Variants in NRG1 observed in about 807,000 individuals in gnomAD.
NRG1 encodes neuregulin 1.
Under a neutral mutation model 63.8 loss-of-function variants are expected in NRG1, and 18 were observed. The ratio of observed to expected loss-of-function variants is 0.28; its 90% confidence interval spans 0.19 to 0.42. The LOEUF (loss-of-function observed/expected upper bound fraction) is 0.42. Among genes scored for constraint, NRG1 ranks in the 10% least tolerant of loss-of-function variants. The pLI is 1.00. For missense variants in NRG1, 762 were observed against 814.7 expected (o/e 0.94, Z 0.79); for synonymous variants, 302 against 301.3 (o/e 1.00, Z -0.02).
rs1269343813 is a variant in NRG1, at chr8:32,190,236, G to A, written c.38-405592G>A. 3.3e-5 allele frequency among the ~76,000 whole-genome samples: 5 copies of A among 150,042 alleles called. No individual in the cohort carries two copies. The East Asian group carries it at 9.8e-4, about 29-fold the overall frequency. ...TTTACTCTTTCTTTTTTAAAAAATT[G>A]CTCTCCTCTAGATATTTTTTCTGCC... On this transcript the variant is annotated intron_variant, in intron 1 of 10. Transcript: ENST00000519301.
chr8:31,917,912 G>T (rs1296216118), intron 1 of NRG1, among the ~76,000 whole-genome samples: 1 of 152,108 alleles, frequency 6.6e-6, no homozygotes, highest in Non-Finnish European at 1.5e-5. Context: ...TCCTTGAAGA[G>T]GTCCTTCACA....
At chr8:32,238,298 C>A (rs1473897829) in intron 1 of NRG1, among the ~76,000 whole-genome samples, 2 of 152,000 alleles carry the variant, frequency 1.3e-5, no homozygotes, top group African/African-American at 2.4e-5. Context: ...AACCCTGTCT[C>A]TACTAAAAAT....
chr8:32,680,388 G>A (rs1808281908), intron 5 of NRG1, among the ~76,000 whole-genome samples: 2 of 152,192 alleles, frequency 1.3e-5, no homozygotes, highest in African/African-American at 4.8e-5. Flanking sequence ...CCAGGCAAGT[G>A]CTGAGTGGAT....
At chr8:31,704,142 A>G (rs1810895326) in intron 1 of NRG1, among the ~76,000 whole-genome samples, 3 of 152,210 alleles carry the variant, frequency 2.0e-5, no homozygotes, top group Admixed American at 2.0e-4. Context: ...TATTTCTACA[A>G]AGGTCTAGTC....
intron 1 of NRG1, among the ~76,000 whole-genome samples, chr8:32,039,531 G>GT (rs1427156461): frequency 6.6e-6 from 1 of 152,166 alleles, no homozygotes; most frequent in African/African-American, 2.4e-5. Context: ...AAATGTGAAT[G>GT]TTTACTATTA....
intron 1 of NRG1, among the ~76,000 whole-genome samples, chr8:32,579,922 C>T (rs533405752): frequency 3.9e-5 from 6 of 152,238 alleles, no homozygotes; most frequent in Middle Eastern, 6.8e-3. Flanking sequence ...TCTAGAGGGG[C>T]TTCCCTTCCT....
intron 1 of NRG1, among the ~76,000 whole-genome samples, chr8:32,359,273 C>T (rs1337805397): frequency 6.6e-6 from 1 of 152,162 alleles, no homozygotes; most frequent in Non-Finnish European, 1.5e-5. Context: ...TTCATTCACC[C>T]TTTTAAACTG....
intron 1 of NRG1, among the ~76,000 whole-genome samples, chr8:32,566,743 T>C (rs954599905): frequency 2.0e-5 from 3 of 152,204 alleles, no homozygotes; most frequent in African/African-American, 7.2e-5. Flanking sequence ...AGAGGAATCA[T>C]TAGTCATTAA....
rs546891210 is a variant in NRG1, at chr8:32,400,112, G to A, written c.38-195716G>A. ...ACATAAATACTTAGGCTGCCATTGC[G>A]TTAATAAGGAAATGCTGGATAGTCA... is the stretch of plus-strand genomic sequence containing the variant. On this transcript the variant is annotated intron_variant, in intron 1 of 10. Coordinates refer to the NRG1 transcript ENST00000519301. Among the ~76,000 whole-genome samples, 5 of 152,242 alleles carry A rather than the reference G, an allele frequency of 3.3e-5. No homozygotes were observed. The East Asian group carries it at 5.8e-4, about 18-fold the overall frequency.
At chr8:32,301,343 G>A (rs1379219294) in intron 1 of NRG1, among the ~76,000 whole-genome samples, 1 of 152,096 alleles carries the variant, frequency 6.6e-6, no homozygotes, top group Non-Finnish European at 1.5e-5. Flanking sequence ...TGGCATTTTG[G>A]AATTTCATTT....
chr8:32,728,348 C>T (rs28756738), intron 6 of NRG1: 1 of 983,952 alleles, frequency 1.0e-6, no homozygotes, highest in Non-Finnish European at 1.2e-6. Flanking sequence ...TGTTGCTTTC[C>T]TTGTGGTTTT....
intron 1 of NRG1, among the ~76,000 whole-genome samples, chr8:32,454,399 T>C (rs1295556679): frequency 2.0e-5 from 3 of 152,146 alleles, no homozygotes; most frequent in Non-Finnish European, 4.4e-5. Flanking sequence ...TCGAGGTTTT[T>C]CTTTTTTGAC....
At chr8:32,665,690 T>C (rs7460178) in intron 5 of NRG1, among the ~76,000 whole-genome samples, 2 of 152,200 alleles carry the variant, frequency 1.3e-5, no homozygotes, top group Non-Finnish European at 2.9e-5. Flanking sequence ...TTGTACAATT[T>C]CCACTTGTGC....
intron 7 of NRG1, among the ~76,000 whole-genome samples, chr8:32,751,804 A>G (rs1828790114): frequency 6.6e-6 from 1 of 152,190 alleles, no homozygotes; most frequent in Non-Finnish European, 1.5e-5. Context: ...TACACTGCAT[A>G]GAAAGAATGC....
intron 1 of NRG1, among the ~76,000 whole-genome samples, chr8:32,064,669 C>CGG (rs1824452405): frequency 6.6e-6 from 1 of 152,084 alleles, no homozygotes; most frequent in Non-Finnish European, 1.5e-5. Flanking sequence ...ACCAGACTGG[C>CGG]CGAAGCTAAT....
chr8:31,947,465 A>G (rs1267232241), intron 1 of NRG1, among the ~76,000 whole-genome samples: 1 of 152,202 alleles, frequency 6.6e-6, no homozygotes, highest in African/African-American at 2.4e-5. Flanking sequence ...GAATCTAGAA[A>G]GAATCATGGA....
chr8:32,293,069 A>G (rs970887816), intron 1 of NRG1, among the ~76,000 whole-genome samples: 1 of 152,184 alleles, frequency 6.6e-6, no homozygotes, highest in African/African-American at 2.4e-5. Flanking sequence ...ATGCCACTGC[A>G]CTCCAGCCTG....
At chr8:32,725,464 ATTTTTTTTTTTTTTTT>A (rs71209904) in intron 5 of NRG1, among the ~76,000 whole-genome samples, 1 of 67,540 alleles carries the variant, frequency 1.5e-5, no homozygotes, top group African/African-American at 5.6e-5. Context: ...AAACTTCCTA[ATTTTTTTTTTTTTTTT>A]TTTTTTTTTT....
intron 5 of NRG1, among the ~76,000 whole-genome samples, chr8:32,624,840 G>A (rs1848929078): frequency 6.6e-6 from 1 of 151,978 alleles, no homozygotes; most frequent in Admixed American, 6.6e-5. Flanking sequence ...TACTTGATAT[G>A]GATCCTTTAA....
Sources: allele counts gnomAD v4.1 joint callset (sites outside exome capture counted in the v4.1 genomes callset), GRCh38; gene constraint gnomAD v4.1.1; transcripts MANE v1.5; gene names NCBI Gene and HGNC (gene_info 2026-07-23, HGNC 2026-07-21).